The following EYA4 variants were observed in gnomAD, a reference collection of about 807,000 sequenced individuals.
EYA4 encodes EYA transcriptional coactivator and phosphatase 4, also known as protein phosphatase EYA4.
Under a neutral mutation model 87.9 loss-of-function variants are expected in EYA4, and 31 were observed. The ratio of observed to expected loss-of-function variants is 0.35; its 90% CI spans 0.27 to 0.48. The LOEUF (loss-of-function observed/expected upper bound fraction) is 0.48. Ranked by LOEUF, EYA4 falls within the 20% of genes least tolerant of loss-of-function variation. The pLI is 0.99. For missense variants in EYA4, 678 were observed against 761.4 expected, an observed-to-expected ratio of 0.89 and a Z score of 1.29; for synonymous variants, 263 against 270.6, an observed-to-expected ratio of 0.97 and a Z score of 0.28.
intron 3 of EYA4, among the ~76,000 whole-genome samples, chr6:133,427,392 C>T (rs1438811896): frequency 1.3e-5 from 2 of 152,118 alleles, no homozygotes; most frequent in East Asian, 3.9e-4. Context: ...TTGAAATTAA[C>T]TCAACATAGT....
chr6:133,382,297 TTGG>T, intron 2 of EYA4, 92 bp from the exon 3 acceptor site: 2 of 857,674 alleles, frequency 2.3e-6, no homozygotes, highest in Non-Finnish European at 4.1e-6. Context: ...TATAGAGAAC[TTGG>T]TGAACAGAGC....
chr6:133,295,486 A>G (rs1778877657), intron 2 of EYA4, among the ~76,000 whole-genome samples: 1 of 152,250 alleles, frequency 6.6e-6, no homozygotes, highest in Admixed American at 6.5e-5. Flanking sequence ...CAGAAATAAA[A>G]TGATAATGAA....
chr6:133,242,179 C>G (rs1582714642), intron 1 of EYA4, among the ~76,000 whole-genome samples: 1 of 152,218 alleles, frequency 6.6e-6, no homozygotes, highest in Admixed American at 6.5e-5. Flanking sequence ...GTATTACTTT[C>G]TGATGACCCC....
intron 1 of EYA4, among the ~76,000 whole-genome samples, chr6:133,260,596 A>G (rs1006105878): frequency 6.6e-6 from 1 of 152,058 alleles, no homozygotes; most frequent in Non-Finnish European, 1.5e-5. Context: ...CTGTGGAGCA[A>G]TTTTGCATTC....
At chr6:133,351,005 G>T (rs372488615) in intron 2 of EYA4, among the ~76,000 whole-genome samples, 2 of 152,020 alleles carry the variant, frequency 1.3e-5, no homozygotes, top group South Asian at 2.1e-4. Flanking sequence ...CATTTTCTTT[G>T]CATGACAAGT....
At chr6:133,243,109 T>A (rs1012082852) in intron 1 of EYA4, among the ~76,000 whole-genome samples, 71 of 151,820 alleles carry the variant, frequency 4.7e-4, no homozygotes, top group Admixed American at 2.0e-4. Context: ...TGTGTGTGTG[T>A]GTGTGTGTGT....
At chr6:133,525,290 T>C in intron 19 of EYA4, 36 bp downstream of exon 19, 2 of 1,539,774 alleles carry the variant, frequency 1.3e-6, no homozygotes, top group Non-Finnish European at 1.8e-6. Flanking sequence ...GTGATACTTC[T>C]AATGCAAGCC....
intron 17 of EYA4, among the ~76,000 whole-genome samples, chr6:133,522,124 A>T (rs1800222194): frequency 6.6e-6 from 1 of 151,432 alleles, no homozygotes; most frequent in Non-Finnish European, 1.5e-5. Context: ...ATAATAAAAA[A>T]AAAAAGGAAA....
At chr6:133,512,829 A>C in intron 15 of EYA4, 49 bp from the exon 16 acceptor site, 1 of 1,612,478 alleles carries the variant, frequency 6.2e-7, no homozygotes, top group South Asian at 1.1e-5. Flanking sequence ...TCGGCTGTGG[A>C]GTTTTGCACA....
chr6:133,530,372 C>T lies in EYA4; in HGVS notation c.*1567C>T, dbSNP rs760928719. ...TTGTGTGTAGCCCATGTTGGGAACA[C>T]GATACAGGTTCTCCTCTTATTTCCT... On this transcript the variant is annotated 3_prime_UTR_variant, in exon 20 of 20. Transcript: ENST00000355286. The T allele has an allele frequency of 3.5e-5, 34 of 985,228 alleles. No homozygotes were observed. Among genetic ancestry groups the T allele is most frequent in the Non-Finnish European group, 3.4e-5 (28 of 829,868 alleles). 61.0% of individuals were successfully genotyped at this position (985,228 alleles called of 1,614,324 possible).
At chr6:133,366,914 T>C (rs1040751952) in intron 2 of EYA4, among the ~76,000 whole-genome samples, 2 of 152,216 alleles carry the variant, frequency 1.3e-5, no homozygotes, top group Non-Finnish European at 2.9e-5. Context: ...TACATGACTA[T>C]GCTTTTGTTT....
intron 2 of EYA4, among the ~76,000 whole-genome samples, chr6:133,304,590 G>C (rs1779665752): frequency 1.3e-5 from 2 of 152,142 alleles, no homozygotes; most frequent in African/African-American, 4.8e-5. Flanking sequence ...CTTCTGGAGG[G>C]TTATGTGTAT....
At position 133,530,536 on chromosome 6, in the gene EYA4, G is replaced by T; in HGVS notation, c.*1731G>T. Reference sequence around the variant, plus strand: ...CTACTAGTCAGTGCCCCTAGCCAGAGGCTGGTTCATGAGTTCATCAACTGA... The same window carrying T: ...CTACTAGTCAGTGCCCCTAGCCAGATGCTGGTTCATGAGTTCATCAACTGA... On this transcript the variant is annotated 3_prime_UTR_variant, in exon 20 of 20. Transcript: ENST00000355286. 1.0e-6 allele frequency: 1 copy of T among 985,824 alleles called. No individual in the cohort carries two copies. The highest frequency in any genetic ancestry group is 1.2e-6 in the Non-Finnish European group (1 of 829,926). 61.1% of individuals were successfully genotyped at this position (985,824 alleles called of 1,614,324 possible).
At chr6:133,482,198 A>G (rs1043761996) in intron 12 of EYA4, among the ~76,000 whole-genome samples, 2 of 152,264 alleles carry the variant, frequency 1.3e-5, no homozygotes, top group African/African-American at 4.8e-5. Context: ...CTTCTTACAT[A>G]CCACATACTT....
chr6:133,395,404 G>A (rs376823718), intron 3 of EYA4, among the ~76,000 whole-genome samples: 9 of 152,156 alleles, frequency 5.9e-5, no homozygotes, highest in South Asian at 2.1e-4. Context: ...TACACTAGTC[G>A]CACTACCGTA....
At chr6:133,246,840 A>G (rs1228565080) in intron 1 of EYA4, 3 of 152,138 alleles carry the variant, frequency 2.0e-5, no homozygotes, top group Non-Finnish European at 4.4e-5. Flanking sequence ...TAAATTAGGT[A>G]CTTTTGTTAT....
chr6:133,380,566 C>T (rs552471980), intron 2 of EYA4, among the ~76,000 whole-genome samples: 1 of 152,222 alleles, frequency 6.6e-6, no homozygotes, highest in Admixed American at 6.5e-5. Flanking sequence ...TCATCATGGT[C>T]TTGAGGAAAG....
intron 3 of EYA4, among the ~76,000 whole-genome samples, chr6:133,388,703 C>T (rs935737966): frequency 1.3e-5 from 2 of 152,120 alleles, no homozygotes; most frequent in East Asian, 3.9e-4. Flanking sequence ...GAAGAAGACT[C>T]ATCCTAAAAC....
intron 1 of EYA4, among the ~76,000 whole-genome samples, chr6:133,269,248 G>T (rs911658521): frequency 6.6e-6 from 1 of 152,132 alleles, no homozygotes; most frequent in Non-Finnish European, 1.5e-5. Context: ...GACAGAGCAG[G>T]ACTTCATCTC....
Sources: allele counts gnomAD v4.1 joint callset (sites outside exome capture counted in the v4.1 genomes callset), GRCh38; gene constraint gnomAD v4.1.1; transcripts MANE v1.5; gene names NCBI Gene and HGNC (gene_info 2026-07-23, HGNC 2026-07-21).